MEIOSIN: variants seen among roughly 807,000 people sequenced by gnomAD.
MEIOSIN encodes the protein meiosis initiator protein.
Under a neutral mutation model 23.4 loss-of-function variants are expected in MEIOSIN, and 18 were observed. That is an observed-to-expected ratio of 0.77 (90% CI 0.53 to 1.14). MEIOSIN has a LOEUF of 1.14. MEIOSIN is among the 50% of genes most tolerant of loss of function. MEIOSIN has a pLI of 0.00. For synonymous variants in MEIOSIN, 187 were observed against 100.6 expected (o/e 1.86, Z -5.14); for missense variants, 428 against 242.9 (o/e 1.76, Z -5.07).
rs1968850382 is a variant in MEIOSIN at position 45,757,296 on chromosome 19, C to T, written c.1012+19C>T. 2 of 700,878 alleles carry T rather than the reference C, an allele frequency of 2.9e-6. No individual in the cohort carries two copies. 43.4% of individuals were successfully genotyped at this position (700,878 alleles called of 1,614,324 possible). On this transcript the variant is annotated intron_variant, in intron 9 of 14. Transcript: ENST00000457052. ...CCCCAAGGTGACTGCAACTCTGTCT[C>T]TCCTCCTTGTAGGCTGGTGTGGGCC...
At chr19:45,752,503 G>C (rs1968733072) in intron 5 of MEIOSIN, among the ~76,000 whole-genome samples, 1 of 152,086 alleles carries the variant, frequency 6.6e-6, no homozygotes, top group African/African-American at 2.4e-5. Context: ...CATCGTGCCT[G>C]GCTCTGGCTA....
intron 3 of MEIOSIN, among the ~76,000 whole-genome samples, chr19:45,740,794 T>TAAC (rs1301082370): frequency 2.7e-5 from 4 of 145,674 alleles, no homozygotes; most frequent in Admixed American, 7.0e-5. Flanking sequence ...ATAATAATAA[T>TAAC]AACAATGATA....
chr19:45,746,870 CCTTT>C (rs1373290846), intron 4 of MEIOSIN, among the ~76,000 whole-genome samples: 2 of 151,906 alleles, frequency 1.3e-5, no homozygotes, highest in South Asian at 2.1e-4. Flanking sequence ...TCTGCAAAGT[CCTTT>C]CTTTCTGCCA....
intron 7 of MEIOSIN, 27 bp from the exon 8 acceptor site, chr19:45,755,943 G>C (rs1010653396): frequency 5.7e-6 from 4 of 699,174 alleles, no homozygotes; most frequent in African/African-American, 1.7e-5. Flanking sequence ...CAGTCCCCAG[G>C]CATGGTCATC....
At chr19:45,751,449 T>G (rs1205131321) in intron 5 of MEIOSIN, among the ~76,000 whole-genome samples, 1 of 152,036 alleles carries the variant, frequency 6.6e-6, no homozygotes, top group Non-Finnish European at 1.5e-5. Flanking sequence ...TCCTAGTCCC[T>G]GCCAAACCTC....
chr19:45,761,274 A>G (rs1332481301), intron 11 of MEIOSIN, among the ~76,000 whole-genome samples: 3 of 151,534 alleles, frequency 2.0e-5, no homozygotes, highest in East Asian at 3.9e-4. Flanking sequence ...ACAGGCGCCC[A>G]CCAACATACC....
intron 4 of MEIOSIN, among the ~76,000 whole-genome samples, chr19:45,745,796 TC>T (rs1222148687): frequency 6.6e-6 from 1 of 152,180 alleles, no homozygotes; most frequent in East Asian, 1.9e-4. Flanking sequence ...GGTCTCAAAT[TC>T]CTGACCTCAG....
chr19:45,749,414 G>A lies in MEIOSIN; in HGVS notation c.307-1261G>A, dbSNP rs1186102144. Among the ~76,000 whole-genome samples, 6 of 147,174 alleles carry A rather than the reference G, an allele frequency of 4.1e-5. No homozygotes were observed. In the East Asian group the frequency reaches 8.2e-4, roughly 20 times the overall value. Reference sequence around the variant, plus strand: ...AAAAAGGCCGAGCGCAGTGGCTCACGCCTGTAATCCCAGCATTTTGGGAGG... The same window carrying A: ...AAAAAGGCCGAGCGCAGTGGCTCACACCTGTAATCCCAGCATTTTGGGAGG... On this transcript the variant is annotated intron_variant, in intron 4 of 14. Transcript: ENST00000457052.
intron 8 of MEIOSIN, 100 bp downstream of exon 8, chr19:45,756,178 G>C: frequency 1.5e-6 from 1 of 646,504 alleles, no homozygotes; most frequent in Non-Finnish European, 2.8e-6. Context: ...GTCCTCTGCG[G>C]GTGCCCCTTG....
intron 11 of MEIOSIN, 23 bp downstream of exon 11, chr19:45,759,513 T>C (rs1568560194): frequency 2.8e-6 from 2 of 702,774 alleles, no homozygotes; most frequent in Admixed American, 4.0e-5. Context: ...TGCCCCTCTG[T>C]CCACAGACAC....
At chr19:45,747,931 C>G (rs748245727) in intron 4 of MEIOSIN, among the ~76,000 whole-genome samples, 2 of 148,786 alleles carry the variant, frequency 1.3e-5, no homozygotes, top group South Asian at 2.2e-4. Flanking sequence ...GAAAGTCCAT[C>G]TCTACAAAAA....
In MEIOSIN at chr19:45,739,749, G is replaced by T. The variant is rs536272085; in HGVS notation, c.176+19G>T. 4.3e-6 allele frequency: 3 copies of T among 703,530 alleles called. No individual in the cohort carries two copies. Among genetic ancestry groups the T allele is most frequent in the African/African-American group, 3.5e-5 (2 of 57,378 alleles). The allele number at this position is 703,530 out of a possible 1,614,324, so 43.6% of individuals were successfully genotyped here. A position where few individuals can be genotyped will look rare whatever the true frequency, so the allele number is the denominator to read the frequency against. On this transcript the variant is annotated intron_variant, in intron 3 of 14. Transcript: ENST00000457052. ...AACTGAGGTACTGTTAACAGAAAAG[G>T]GGGGATTGGATGTTGGCCAAGCAAA...
At position 45,735,390 on chromosome 19, in the gene MEIOSIN, G is replaced by A; in HGVS notation, c.14G>A (p.Ser5Asn). Residue 5 changes from serine to asparagine, a missense_variant, in exon 2 of 15, where the codon AGC (serine) becomes AAC (asparagine). Physicochemically the swap from Ser to Asn is conservative, Grantham distance 46 (BLOSUM62 1). Transcript: ENST00000457052. Reference sequence around the variant, plus strand: ...CCCTCTTTGCAGATGTTTGGTTCCAGCAGATACTTGGGTTCCTCTGAACAG... The same window carrying A: ...CCCTCTTTGCAGATGTTTGGTTCCAACAGATACTTGGGTTCCTCTGAACAG... MFGS[S>N]RYLGSSEQPR... 3 of 702,772 alleles carry A rather than the reference G, an allele frequency of 4.3e-6. No individual in the cohort carries two copies. The highest frequency in any genetic ancestry group is 3.5e-5 in the African/African-American group (2 of 57,336). The allele number at this position is 702,772 out of a possible 1,614,324, so 43.5% of individuals were successfully genotyped here.
Position 45,764,347 on chromosome 19 carries a change from A to G in MEIOSIN, c.*229A>G, listed in dbSNP as rs1183404745. The stretch of plus-strand genomic sequence containing the variant: ...TGATTCTCCCCCAGGCTTAGGAAGG[A>G]AACCCAAAATGAAATGCGGGGTGTC... On this transcript the variant is annotated 3_prime_UTR_variant, in exon 15 of 15. Transcript: ENST00000457052. 2 of 389,632 alleles carry G rather than the reference A, an allele frequency of 5.1e-6. No individual in the cohort carries two copies. The highest frequency in any genetic ancestry group is 4.1e-5 in the African/African-American group (2 of 48,454). The allele number at this position is 389,632 out of a possible 1,614,324, so 24.1% of individuals were successfully genotyped here. A position where few individuals can be genotyped will look rare whatever the true frequency, so the allele number is the denominator to read the frequency against.
chr19:45,734,071 C>G (rs1369989128), intron 1 of MEIOSIN, among the ~76,000 whole-genome samples: 2 of 151,982 alleles, frequency 1.3e-5, no homozygotes, highest in Non-Finnish European at 2.9e-5. Flanking sequence ...GAGTCTGGAG[C>G]CTGATTTGGG....
chr19:45,739,499 G>T, intron 2 of MEIOSIN, 127 bp from the exon 3 acceptor site: 1 of 645,632 alleles, frequency 1.5e-6, no homozygotes, highest in South Asian at 1.7e-5. Context: ...GCAGTTCCAG[G>T]TCTATATCTT....
intron 11 of MEIOSIN, 105 bp from the exon 12 acceptor site, chr19:45,761,574 T>C: frequency 1.7e-6 from 1 of 602,722 alleles, no homozygotes; most frequent in Non-Finnish European, 3.0e-6. Context: ...CCTGCCAATC[T>C]GAGCTGCTGC....
At chr19:45,739,804 C>G (rs1401385050) in intron 3 of MEIOSIN, 74 bp downstream of exon 3, 4 of 698,198 alleles carry the variant, frequency 5.7e-6, no homozygotes, top group Non-Finnish European at 7.8e-6. Flanking sequence ...CACCTCTTAC[C>G]CCTAAAATCA....
chr19:45,761,771 C>T lies in MEIOSIN; in HGVS notation c.1338C>T (p.Ser446=), dbSNP rs8112282. ...VSLDHCYLSL[S]GNSKAPSSSS... is the part of the protein sequence containing the mutation. The stretch of plus-strand genomic sequence containing the variant: ...TGGACCACTGCTACCTCTCGCTGAG[C>T]GGGAACAGCAAGGCGCCATCCAGCT... The change falls in exon 12 of 15, where the codon AGC becomes AGT. Residue 446 remains serine, a synonymous_variant. Transcript: ENST00000457052. 0.49 allele frequency: 345,766 copies of T among 701,820 alleles called. 87,547 individuals carry two copies. Among genetic ancestry groups the T allele is most frequent in the East Asian group, 0.67 (24,848 of 37,202 alleles). 43.5% of individuals were successfully genotyped at this position (701,820 alleles called of 1,614,324 possible).
Sources: gnomAD v4.1 joint callset for allele counts (sites outside exome capture counted in the v4.1 genomes callset) on GRCh38, gnomAD v4.1.1 for gene constraint, MANE v1.5 for transcripts, NCBI Gene and HGNC (gene_info 2026-07-23, HGNC 2026-07-21) for gene names.